Variants in SHISA9 observed in about 807,000 individuals in gnomAD.
SHISA9 encodes shisa family member 9, also known as protein shisa-9.
Under a neutral mutation model 38.0 loss-of-function variants are expected in SHISA9, and 13 were observed. The observed-to-expected ratio is 0.34, with a 90% CI of 0.22 to 0.54. SHISA9 has a LOEUF of 0.54. Among genes scored for constraint, SHISA9 ranks in the 20% least tolerant of loss-of-function variants. The probability of loss-of-function intolerance (pLI) is 0.91; values close to 1 mark genes in which losing one functional copy is unlikely to be tolerated. For synonymous variants in SHISA9, 275 were observed against 242.0 expected, an observed-to-expected ratio of 1.14 and a Z score of -1.27; for missense variants, 538 against 575.8, an observed-to-expected ratio of 0.93 and a Z score of 0.67.
chr16:13,342,059 C>T, the SHISA9 span, among the ~76,000 whole-genome samples: 1 of 152,192 alleles, frequency 6.6e-6, no homozygotes, highest in Non-Finnish European at 1.5e-5. Context: ...TTCCTCCCTA[C>T]AGTCTCACCA....
chr16:13,319,605 C>A, the SHISA9 span, among the ~76,000 whole-genome samples: 2 of 152,096 alleles, frequency 1.3e-5, no homozygotes, highest in Admixed American at 6.6e-5. Flanking sequence ...TGCTCCCTCT[C>A]TGCCATCCTG....
At chr16:13,026,578 T>C (rs2072924624) in intron 2 of SHISA9, among the ~76,000 whole-genome samples, 1 of 152,212 alleles carries the variant, frequency 6.6e-6, no homozygotes, top group Admixed American at 6.5e-5. Flanking sequence ...TTTCAACTTT[T>C]TATATATCCA....
At chr16:13,199,787 T>C (rs1408104597) in intron 2 of SHISA9, among the ~76,000 whole-genome samples, 1 of 152,084 alleles carries the variant, frequency 6.6e-6, no homozygotes, top group African/African-American at 2.4e-5. Flanking sequence ...AAGGAGGTAT[T>C]GGGATTGGTT....
At chr16:13,177,708 C>T (rs556577823) in intron 2 of SHISA9, among the ~76,000 whole-genome samples, 96 of 152,146 alleles carry the variant, frequency 6.3e-4, no homozygotes, top group Non-Finnish European at 1.2e-3. Flanking sequence ...CTTACTCTGT[C>T]GCCCAGGCTA....
At chr16:13,287,750 A>G in the SHISA9 span, among the ~76,000 whole-genome samples, 1 of 152,180 alleles carries the variant, frequency 6.6e-6, no homozygotes, top group Non-Finnish European at 1.5e-5. Context: ...TGCAGGGACC[A>G]CCTAAGTGAG....
chr16:13,383,562 G>A, the SHISA9 span, among the ~76,000 whole-genome samples: 1 of 152,130 alleles, frequency 6.6e-6, no homozygotes, highest in Non-Finnish European at 1.5e-5. Flanking sequence ...TTTGAATATT[G>A]GACCTGGAAA....
At chr16:13,298,578 A>G in the SHISA9 span, among the ~76,000 whole-genome samples, 1 of 152,154 alleles carries the variant, frequency 6.6e-6, no homozygotes, top group Non-Finnish European at 1.5e-5. Flanking sequence ...AGGATCACCA[A>G]GCTGGTAAGT....
At chr16:13,128,113 A>G (rs554463458) in intron 2 of SHISA9, among the ~76,000 whole-genome samples, 1 of 152,264 alleles carries the variant, frequency 6.6e-6, no homozygotes, top group East Asian at 1.9e-4. Flanking sequence ...AGTTTGGTGT[A>G]TACTGGCTGG....
At chr16:13,388,260 A>G in the SHISA9 span, among the ~76,000 whole-genome samples, 8 of 152,126 alleles carry the variant, frequency 5.3e-5, no homozygotes, top group African/African-American at 1.7e-4. Flanking sequence ...GCCTCTAGCA[A>G]ACTCTCAGAA....
At chr16:13,273,953 CTGT>C in the SHISA9 span, among the ~76,000 whole-genome samples, 1 of 152,142 alleles carries the variant, frequency 6.6e-6, no homozygotes, top group South Asian at 2.1e-4. Context: ...GAAAATACCA[CTGT>C]TGAAAGAGAA....
intron 4 of SHISA9, among the ~76,000 whole-genome samples, chr16:13,220,522 C>T (rs1241616948): frequency 6.6e-6 from 1 of 152,112 alleles, no homozygotes; most frequent in Admixed American, 6.6e-5. Flanking sequence ...TGACATGGTC[C>T]CAGGAAACTA....
At chr16:13,257,087 C>T in the SHISA9 span, among the ~76,000 whole-genome samples, 3,985 of 152,270 alleles carry the variant, frequency 0.026, 65 homozygotes, top group Non-Finnish European at 0.044. Flanking sequence ...TGCCCATTTA[C>T]GAAGTTTTGT....
the SHISA9 span, among the ~76,000 whole-genome samples, chr16:13,323,571 C>G: frequency 6.6e-6 from 1 of 152,302 alleles, no homozygotes; most frequent in East Asian, 1.9e-4. Flanking sequence ...CTGCTTGAGA[C>G]TGTGTCATCT....
At chr16:13,202,193 C>A (rs542630345) in intron 2 of SHISA9, among the ~76,000 whole-genome samples, 1 of 127,968 alleles carries the variant, frequency 7.8e-6, no homozygotes, top group South Asian at 2.4e-4. Flanking sequence ...ATTCCAGTTT[C>A]CTTACACTGT....
intron 2 of SHISA9, among the ~76,000 whole-genome samples, chr16:13,147,254 T>C (rs2050455475): frequency 6.6e-6 from 1 of 152,004 alleles, no homozygotes; most frequent in Non-Finnish European, 1.5e-5. Context: ...ATAAGGAGAC[T>C]GAATTCTATC....
chr16:13,213,899 C>T (rs1232065216), intron 4 of SHISA9, among the ~76,000 whole-genome samples: 1 of 152,178 alleles, frequency 6.6e-6, no homozygotes, highest in African/African-American at 2.4e-5. Flanking sequence ...TGGCCCTTTA[C>T]ATCATTTTAT....
chr16:13,173,352 T>G (rs1324523098), intron 2 of SHISA9, among the ~76,000 whole-genome samples: 1 of 148,124 alleles, frequency 6.8e-6, no homozygotes, highest in Admixed American at 6.8e-5. Flanking sequence ...CACTACAATG[T>G]GGAAATGGCA....
At chr16:13,114,084 A>T (rs1376798194) in intron 2 of SHISA9, among the ~76,000 whole-genome samples, 1 of 152,212 alleles carries the variant, frequency 6.6e-6, no homozygotes, top group East Asian at 1.9e-4. Flanking sequence ...CAGAGGCTTA[A>T]CAATTAGCAA....
downstream of SHISA9, among the ~76,000 whole-genome samples, chr16:13,242,927 C>T (rs1004129489): frequency 1.3e-5 from 2 of 152,068 alleles, no homozygotes; most frequent in Non-Finnish European, 2.9e-5. Context: ...AAATCTGAGA[C>T]AAGTCTGTTA....
Sources: gnomAD v4.1 joint callset for allele counts (sites outside exome capture counted in the v4.1 genomes callset) on GRCh38, gnomAD v4.1.1 for gene constraint, MANE v1.5 for transcripts, NCBI Gene and HGNC (gene_info 2026-07-23, HGNC 2026-07-21) for gene names.